EEFSEC: variants seen among roughly 807,000 people sequenced by gnomAD.
EEFSEC encodes selenocysteine-specific elongation factor.
In EEFSEC, 43 loss-of-function variants were observed where a neutral mutation model predicts 42.1. The ratio of observed to expected loss-of-function variants is 1.02; its 90% CI spans 0.80 to 1.32. The LOEUF is 1.32. Among genes scored for constraint, EEFSEC ranks in the 40% most tolerant of loss-of-function variants. EEFSEC has a pLI of 0.00. For synonymous variants in EEFSEC, 354 were observed against 339.1 expected, an observed-to-expected ratio of 1.04 and a Z score of -0.48; for missense variants, 745 against 803.6, an observed-to-expected ratio of 0.93 and a Z score of 0.88.
the EEFSEC span, among the ~76,000 whole-genome samples, chr3:128,413,921 A>C: frequency 6.6e-6 from 1 of 152,234 alleles, no homozygotes; most frequent in African/African-American, 2.4e-5. Context: ...CTGAAGAGGC[A>C]CAGAGGCAAC....
At chr3:128,259,477 G>A (rs943571557) in intron 2 of EEFSEC, among the ~76,000 whole-genome samples, 1 of 152,148 alleles carries the variant, frequency 6.6e-6, no homozygotes, top group Non-Finnish European at 1.5e-5. Context: ...TTGTGGTAGT[G>A]GAAAAGGTAG....
chr3:128,374,277 G>A (rs2067685703), intron 6 of EEFSEC, among the ~76,000 whole-genome samples: 1 of 152,234 alleles, frequency 6.6e-6, no homozygotes, highest in South Asian at 2.1e-4. Flanking sequence ...CTCAGAGGCT[G>A]CTGTTCATGT....
At chr3:128,372,519 G>A (rs116139816) in intron 6 of EEFSEC, among the ~76,000 whole-genome samples, 1,701 of 152,296 alleles carry the variant, frequency 0.011, 22 homozygotes, top group African/African-American at 0.039. Context: ...TCACTAGCAA[G>A]GGGAGGAAAA....
At chr3:128,189,199 G>T (rs995155235) in intron 1 of EEFSEC, among the ~76,000 whole-genome samples, 1 of 152,212 alleles carries the variant, frequency 6.6e-6, no homozygotes, top group Non-Finnish European at 1.5e-5. Context: ...GTGAGCACTG[G>T]TTCTCTGGAC....
chr3:128,312,903 A>G (rs554508898), intron 4 of EEFSEC, among the ~76,000 whole-genome samples: 7 of 152,228 alleles, frequency 4.6e-5, no homozygotes, highest in Non-Finnish European at 7.3e-5. Flanking sequence ...CTAGAAAGAG[A>G]TAGTTCCCTG....
At position 128,153,492 on chromosome 3, in the gene EEFSEC, A is replaced by G; in HGVS notation, c.-16A>G. 1 of 1,476,274 alleles carries G rather than the reference A, an allele frequency of 6.8e-7. No homozygotes were observed. The allele number at this position is 1,476,274 out of a possible 1,614,324, so 91.4% of individuals were successfully genotyped here. On this transcript the variant is annotated 5_prime_UTR_variant, in exon 1 of 7. Coordinates refer to ENST00000254730, the MANE Select transcript of EEFSEC (RefSeq NM_021937.5). ...GAGGGGCGGGCCGGGCGGGTGTCCG[A>G]GGCGGCGGCGGCGGCATGGCAGGGC...
chr3:128,396,652 A>C (rs2067985143), intron 6 of EEFSEC, among the ~76,000 whole-genome samples: 1 of 152,100 alleles, frequency 6.6e-6, no homozygotes, highest in African/African-American at 2.4e-5. Flanking sequence ...GTTTGAGCTC[A>C]GGCCCACCAC....
Position 128,262,138 on chromosome 3 carries a change from G to A in EEFSEC, c.535G>A (p.Ala179Thr). The A allele has an allele frequency of 6.2e-7, 1 of 1,614,098 alleles. No individual in the cohort carries two copies. The highest frequency in any genetic ancestry group is 8.5e-7 in the Non-Finnish European group (1 of 1,180,002). Residue 179 changes from alanine to threonine, a missense_variant, in exon 3 of 7, where the codon GCA becomes ACA. Physicochemically the swap from Ala to Thr is moderately conservative, Grantham distance 58 (BLOSUM62 0). Transcript: ENST00000254730. ...TATTTTCCATTTCAGGTTCCGAGGT[G>A]CACCGATTATACCCGTGGCGGCCAA... The part of the protein sequence containing the change: ...KTLENTKFRG[A>T]PIIPVAAKPG...
chr3:128,360,317 C>T (rs894038149), intron 6 of EEFSEC, among the ~76,000 whole-genome samples: 12 of 152,226 alleles, frequency 7.9e-5, no homozygotes, highest in Middle Eastern at 3.2e-3. Flanking sequence ...GACAGGCCAG[C>T]GTCCAGACCT....
intron 1 of EEFSEC, among the ~76,000 whole-genome samples, chr3:128,168,899 C>CTTATTCCTTAAGCTCA (rs1302412789): frequency 6.6e-6 from 1 of 152,170 alleles, no homozygotes; most frequent in Non-Finnish European, 1.5e-5. Flanking sequence ...GTTAGGCGAC[C>CTTATTCCTTAAGCTCA]TTATTCCTTA....
intron 1 of EEFSEC, among the ~76,000 whole-genome samples, chr3:128,155,843 A>T (rs1452227949): frequency 6.6e-6 from 1 of 152,208 alleles, no homozygotes; most frequent in Non-Finnish European, 1.5e-5. Context: ...AGGAAATAGA[A>T]GTTTGAAGAA....
At chr3:128,209,837 C>A (rs1188240603) in intron 1 of EEFSEC, among the ~76,000 whole-genome samples, 1 of 152,110 alleles carries the variant, frequency 6.6e-6, no homozygotes, top group East Asian at 1.9e-4. Flanking sequence ...GATTATGTCC[C>A]CAGTTGAGAC....
chr3:128,257,219 C>G lies in EEFSEC; in HGVS notation c.525-4909C>G, dbSNP rs140315179. Among the ~76,000 whole-genome samples the G allele has an allele frequency of 2.0e-4, 31 of 152,358 alleles. No individual in the cohort carries two copies. In the East Asian group the frequency reaches 6.0e-3, roughly 29 times the overall value. ...TGATTGTTTCTCTTGGTCACATCTT[C>G]TAAGTTTTTGCGGTTTTCTCAGTGT... is the stretch of plus-strand genomic sequence containing the variant. On this transcript the variant is annotated intron_variant, in intron 2 of 6. Transcript: ENST00000254730.
At chr3:128,163,692 G>T (rs1488798066) in intron 1 of EEFSEC, among the ~76,000 whole-genome samples, 1 of 151,944 alleles carries the variant, frequency 6.6e-6, no homozygotes, top group Non-Finnish European at 1.5e-5. Context: ...CCTACCAGGA[G>T]TCATTCCCCA....
At chr3:128,379,356 A>C (rs2107612603) in intron 6 of EEFSEC, among the ~76,000 whole-genome samples, 1 of 152,376 alleles carries the variant, frequency 6.6e-6, no homozygotes, top group African/African-American at 2.4e-5. Flanking sequence ...CCATCGAAGA[A>C]CTGTTACAAC....
chr3:128,191,694 C>T (rs1323894001), intron 1 of EEFSEC, among the ~76,000 whole-genome samples: 1 of 152,180 alleles, frequency 6.6e-6, no homozygotes, highest in African/African-American at 2.4e-5. Flanking sequence ...CTAGGGAACT[C>T]ATATAAGCAG....
chr3:128,219,916 A>C lies in EEFSEC; in HGVS notation c.317-26920A>C, dbSNP rs7642293. On this transcript the variant is annotated intron_variant, in intron 1 of 6. Transcript: ENST00000254730. ...CCCTTTTATACTTAGAGCTGTGTCCAAGGAATACAGTATTGTTCCTAAATA... is the reference window on the plus strand; with the variant it reads ...CCCTTTTATACTTAGAGCTGTGTCCCAGGAATACAGTATTGTTCCTAAATA... 3.4e-3 allele frequency among the ~76,000 whole-genome samples: 513 copies of C among 152,298 alleles called. 1 individual carries two copies. Among genetic ancestry groups the C allele is most frequent in the African/African-American group, 0.011 (475 of 41,550 alleles).
chr3:128,274,639 A>G (rs1027227909), intron 4 of EEFSEC, among the ~76,000 whole-genome samples: 2 of 152,216 alleles, frequency 1.3e-5, no homozygotes, highest in African/African-American at 4.8e-5. Context: ...TCTAACTTAT[A>G]CGTGCTTTTG....
chr3:128,247,993 A>G (rs887647058), intron 2 of EEFSEC, among the ~76,000 whole-genome samples: 2 of 152,204 alleles, frequency 1.3e-5, no homozygotes, highest in East Asian at 3.8e-4. Flanking sequence ...AGTGCTACCT[A>G]GAAGGGCAGG....
Sources: allele counts gnomAD v4.1 joint callset (sites outside exome capture counted in the v4.1 genomes callset), GRCh38; gene constraint gnomAD v4.1.1; transcripts MANE v1.5; gene names NCBI Gene and HGNC (gene_info 2026-07-23, HGNC 2026-07-21).